The following FTO variants were observed in gnomAD, a reference collection of about 807,000 sequenced individuals.
The protein encoded by FTO is FTO alpha-ketoglutarate dependent dioxygenase.
Under a neutral mutation model 63.9 loss-of-function variants are expected in FTO, and 47 were observed. The observed-to-expected ratio is 0.74, with a 90% CI of 0.58 to 0.94. The LOEUF (loss-of-function observed/expected upper bound fraction) is 0.94, where lower values mean the gene tolerates loss of function less well. FTO is among the 40% of genes least tolerant of loss of function. FTO has a pLI of 0.00. For missense variants in FTO, 562 were observed against 618.1 expected (o/e 0.91, Z 0.96); for synonymous variants, 207 against 224.4 (o/e 0.92, Z 0.69).
chr16:53,981,158 A>G (rs919708653), intron 8 of FTO: 1 of 152,098 alleles, frequency 6.6e-6, no homozygotes, highest in African/African-American at 2.4e-5. Flanking sequence ...TGCTCTGTCC[A>G]TACAACAAGT....
At chr16:53,883,646 A>AAAAAAAAAAC (rs1555489016) in intron 6 of FTO, among the ~76,000 whole-genome samples, 2 of 135,698 alleles carry the variant, frequency 1.5e-5, no homozygotes, top group African/African-American at 6.0e-5. Flanking sequence ...CAAAAAAAAA[A>AAAAAAAAAAC]AAACAAATTT....
chr16:53,746,224 C>CATT (rs1370223651), intron 1 of FTO, among the ~76,000 whole-genome samples: 1 of 152,180 alleles, frequency 6.6e-6, no homozygotes, highest in East Asian at 1.9e-4. Context: ...CTGGTCAAGA[C>CATT]ATTAGGAGCT....
At chr16:53,930,756 A>C (rs576645118) in intron 7 of FTO, among the ~76,000 whole-genome samples, 51 of 152,226 alleles carry the variant, frequency 3.4e-4, no homozygotes, top group Non-Finnish European at 6.2e-4. Context: ...GAAACTCTTG[A>C]ACTTCTAGAG....
chr16:54,032,736 C>T (rs2084860067), intron 8 of FTO, among the ~76,000 whole-genome samples: 1 of 152,108 alleles, frequency 6.6e-6, no homozygotes, highest in Middle Eastern at 3.2e-3. Flanking sequence ...TACTTGTCCC[C>T]CTAAATCTCA....
chr16:53,918,298 A>G (rs7205539), intron 7 of FTO, among the ~76,000 whole-genome samples: 30,182 of 152,182 alleles, frequency 0.2, 4,175 homozygotes, highest in African/African-American at 0.39. Context: ...CCTAGGCTAT[A>G]TGGTGTAGTC....
chr16:54,096,038 G>A (rs1453370974), intron 8 of FTO, among the ~76,000 whole-genome samples: 2 of 152,152 alleles, frequency 1.3e-5, no homozygotes, highest in South Asian at 2.1e-4. Flanking sequence ...GCATGTAAGC[G>A]CCACAAAACC....
chr16:53,776,496 A>G (rs2077462768), intron 1 of FTO, among the ~76,000 whole-genome samples: 1 of 152,174 alleles, frequency 6.6e-6, no homozygotes, highest in Non-Finnish European at 1.5e-5. Flanking sequence ...GAACCCTTTT[A>G]TACTCCTAAA....
At chr16:53,876,196 A>G (rs1488121037) in intron 5 of FTO, among the ~76,000 whole-genome samples, 1 of 152,174 alleles carries the variant, frequency 6.6e-6, no homozygotes, top group African/African-American at 2.4e-5. Flanking sequence ...GAGGCAACCA[A>G]TGTTTAAAGG....
intron 8 of FTO, among the ~76,000 whole-genome samples, chr16:53,964,351 C>T (rs1342803375): frequency 6.6e-6 from 1 of 152,080 alleles, no homozygotes; most frequent in Non-Finnish European, 1.5e-5. Flanking sequence ...AAAGAGGTGG[C>T]AGGATTTGAC....
chr16:53,912,474 C>T (rs74686668), intron 7 of FTO, among the ~76,000 whole-genome samples: 2 of 152,156 alleles, frequency 1.3e-5, no homozygotes, highest in African/African-American at 4.8e-5. Context: ...GTTTTCCATT[C>T]CTAGAAGTGA....
At chr16:53,947,339 T>C (rs749878250) in intron 8 of FTO, among the ~76,000 whole-genome samples, 11 of 152,200 alleles carry the variant, frequency 7.2e-5, no homozygotes, top group Non-Finnish European at 1.3e-4. Context: ...AGAAACTTGT[T>C]GTAGGTAGGC....
intron 8 of FTO, among the ~76,000 whole-genome samples, chr16:54,060,486 C>T (rs1349968278): frequency 6.6e-6 from 1 of 152,178 alleles, no homozygotes; most frequent in East Asian, 1.9e-4. Context: ...CTCCATTTTA[C>T]AGACGGGGAA....
chr16:53,849,030 CT>C, intron 4 of FTO, among the ~76,000 whole-genome samples: 1 of 152,186 alleles, frequency 6.6e-6, no homozygotes. Context: ...AAAAATTCCA[CT>C]GCAAAAAAAG....
At chr16:53,932,412 T>G (rs2082305722) in intron 7 of FTO, among the ~76,000 whole-genome samples, 1 of 150,288 alleles carries the variant, frequency 6.7e-6, no homozygotes, top group Non-Finnish European at 1.5e-5. Flanking sequence ...TTTTTTGAGA[T>G]GGAACCTCAC....
intron 8 of FTO, among the ~76,000 whole-genome samples, chr16:54,042,216 G>A (rs930509607): frequency 1.4e-5 from 2 of 148,132 alleles, no homozygotes; most frequent in Non-Finnish European, 3.0e-5. Flanking sequence ...TCACTAGGGA[G>A]TGCCAGACAG....
intron 7 of FTO, among the ~76,000 whole-genome samples, chr16:53,932,797 T>C (rs2082313148): frequency 6.6e-6 from 1 of 152,224 alleles, no homozygotes; most frequent in African/African-American, 2.4e-5. Flanking sequence ...AAACTAGAGA[T>C]ACTCTGAGGA....
chr16:53,823,420 G>A (rs1490551658), intron 2 of FTO, among the ~76,000 whole-genome samples: 1 of 151,938 alleles, frequency 6.6e-6, no homozygotes, highest in African/African-American at 2.4e-5. Context: ...ACCAAGCTGT[G>A]TGCTGATCAC....
intron 4 of FTO, among the ~76,000 whole-genome samples, chr16:53,868,188 T>C (rs1313141683): frequency 6.6e-6 from 1 of 152,164 alleles, no homozygotes; most frequent in African/African-American, 2.4e-5. Context: ...GCATTTAAAG[T>C]GATTATTGAT....
At chr16:53,965,222 C>T (rs1272870768) in intron 8 of FTO, among the ~76,000 whole-genome samples, 3 of 152,160 alleles carry the variant, frequency 2.0e-5, no homozygotes, top group African/African-American at 7.2e-5. Context: ...TACAGGCATG[C>T]GTCACCACGC....
Sources: allele counts gnomAD v4.1 joint callset (sites outside exome capture counted in the v4.1 genomes callset), GRCh38; gene constraint gnomAD v4.1.1; transcripts MANE v1.5; gene names NCBI Gene and HGNC (gene_info 2026-07-23, HGNC 2026-07-21).